The following ZNF569 variants were observed in gnomAD, a reference collection of about 807,000 sequenced individuals.
The protein encoded by ZNF569 is zinc finger protein 569, also known as DNA-binding protein.
In ZNF569, 38 loss-of-function variants were observed where a neutral mutation model predicts 56.3. The ratio of observed to expected loss-of-function variants is 0.68; its 90% CI spans 0.52 to 0.88. The LOEUF (loss-of-function observed/expected upper bound fraction) is 0.88. Among genes scored for constraint, ZNF569 ranks in the 40% least tolerant of loss-of-function variants. The probability of loss-of-function intolerance (pLI) is 0.00; values close to 1 mark genes in which losing one functional copy is unlikely to be tolerated. For missense variants in ZNF569, 666 were observed against 809.2 expected (o/e 0.82, Z 2.15); for synonymous variants, 241 against 262.9 (o/e 0.92, Z 0.81).
In ZNF569 at chr19:37,412,673, T is replaced by G; in HGVS notation, c.1985A>C (p.Tyr662Ser). ...HMRKHTGEKP[Y>S]HCIECGKAFS... is the part of the protein sequence containing the mutation. ...AGCCTTGCCACACTCAATACAGTGA[T>G]AGGGCTTCTCACCTGTATGTTTTCT... The change falls in exon 6 of 6, where the codon TAT becomes TCT. Residue 662 changes from tyrosine to serine, a missense_variant. Tyr to Ser is a moderately radical substitution (Grantham distance 144). Transcript: ENST00000316950. 1 of 1,614,084 alleles carries G rather than the reference T, an allele frequency of 6.2e-7. No homozygotes were observed. The highest frequency in any genetic ancestry group is 1.7e-5 in the Admixed American group (1 of 60,014).
chr19:37,452,565 G>A (rs780668306), intron 2 of ZNF569, among the ~76,000 whole-genome samples: 2 of 151,866 alleles, frequency 1.3e-5, no homozygotes, highest in African/African-American at 2.4e-5. Flanking sequence ...ATAGTATTCC[G>A]GGTTGGCAGA....
chr19:37,464,985 G>C (rs1159862077), intron 2 of ZNF569, among the ~76,000 whole-genome samples: 1 of 152,110 alleles, frequency 6.6e-6, no homozygotes, highest in Non-Finnish European at 1.5e-5. Flanking sequence ...AATTTGATCT[G>C]CCCTCCTCCC....
At chr19:37,455,131 T>C in intron 2 of ZNF569, 2 of 384,784 alleles carry the variant, frequency 5.2e-6, no homozygotes, top group Non-Finnish European at 4.6e-6. Context: ...TCCTTCAGTT[T>C]ATTTTGTCAT....
intron 2 of ZNF569, among the ~76,000 whole-genome samples, chr19:37,457,023 A>T (rs1339406965): frequency 6.6e-6 from 1 of 150,508 alleles, no homozygotes; most frequent in Non-Finnish European, 1.5e-5. Context: ...AAAATGTTGG[A>T]AGATCAGTAC....
intron 5 of ZNF569, among the ~76,000 whole-genome samples, chr19:37,423,225 A>G (rs1600298214): frequency 6.6e-6 from 1 of 152,356 alleles, no homozygotes; most frequent in African/African-American, 2.4e-5. Flanking sequence ...TTACATACAC[A>G]TAGGATAGTT....
chr19:37,464,885 T>C (rs1182835386), intron 2 of ZNF569, among the ~76,000 whole-genome samples: 1 of 152,216 alleles, frequency 6.6e-6, no homozygotes, highest in Non-Finnish European at 1.5e-5. Flanking sequence ...TGTAAGCAGA[T>C]AGTATCACTT....
intron 5 of ZNF569, among the ~76,000 whole-genome samples, chr19:37,416,258 CAAAAAAACAAAAA>C (rs2040929990): frequency 1.6e-5 from 2 of 129,004 alleles, no homozygotes; most frequent in Non-Finnish European, 3.4e-5. Flanking sequence ...AACAAAAAAA[CAAAAAAACAAAAA>C]AAAAAAACAG....
intron 3 of ZNF569, among the ~76,000 whole-genome samples, chr19:37,439,395 C>T (rs2041367089): frequency 6.6e-6 from 1 of 152,148 alleles, no homozygotes; most frequent in African/African-American, 2.4e-5. Context: ...ATCCAAAAGA[C>T]AGGTACTAAC....
chr19:37,447,431 A>G (rs2041516130), intron 2 of ZNF569, among the ~76,000 whole-genome samples: 1 of 152,236 alleles, frequency 6.6e-6, no homozygotes, highest in Admixed American at 6.5e-5. Context: ...GAATTCTGGG[A>G]GGTGGAATCT....
chr19:37,449,633 T>TA (rs1380898321), intron 2 of ZNF569, among the ~76,000 whole-genome samples: 5 of 151,872 alleles, frequency 3.3e-5, no homozygotes, highest in Non-Finnish European at 7.4e-5. Context: ...TGTCTAATAT[T>TA]AAAGTTGCTT....
At chr19:37,469,217 C>G, upstream of ZNF569, 2 of 1,313,468 alleles carry the variant, frequency 1.5e-6, no homozygotes, top group Non-Finnish European at 1.9e-6. Flanking sequence ...TGTTACAAAC[C>G]CTGCGCGGAG....
intron 2 of ZNF569, among the ~76,000 whole-genome samples, chr19:37,446,775 T>G (rs918148227): frequency 1.3e-5 from 2 of 151,966 alleles, no homozygotes; most frequent in African/African-American, 2.4e-5. Context: ...GGGACTTAAT[T>G]GAACTAAAAA....
At chr19:37,463,713 T>C (rs997958235) in intron 2 of ZNF569, among the ~76,000 whole-genome samples, 7 of 124,228 alleles carry the variant, frequency 5.6e-5, no homozygotes. Context: ...TAACCATGCA[T>C]GTTTATTGTT....
At chr19:37,433,515 G>A (rs2041258731) in intron 3 of ZNF569, among the ~76,000 whole-genome samples, 1 of 152,136 alleles carries the variant, frequency 6.6e-6, no homozygotes, top group South Asian at 2.1e-4. Context: ...AGAACACCAA[G>A]TAGATTTAAA....
intron 1 of ZNF569, among the ~76,000 whole-genome samples, chr19:37,465,932 T>C (rs994831127): frequency 6.6e-6 from 1 of 152,228 alleles, no homozygotes; most frequent in African/African-American, 2.4e-5. Flanking sequence ...TACTTTAAAA[T>C]GAATGCATAA....
upstream of ZNF569, chr19:37,467,730 G>A: frequency 1.4e-6 from 1 of 691,916 alleles, no homozygotes; most frequent in Non-Finnish European, 2.5e-6. Flanking sequence ...GACTGTATGT[G>A]TGAAACTTCG....
At chr19:37,434,419 T>A (rs983814966) in intron 3 of ZNF569, among the ~76,000 whole-genome samples, 1 of 152,188 alleles carries the variant, frequency 6.6e-6, no homozygotes, top group Non-Finnish European at 1.5e-5. Flanking sequence ...TTGGGCACAG[T>A]GGCTCACGCC....
At chr19:37,415,201 TA>T (rs778730033) in intron 5 of ZNF569, among the ~76,000 whole-genome samples, 41 of 152,160 alleles carry the variant, frequency 2.7e-4, no homozygotes, top group Admixed American at 1.6e-3. Context: ...AAATATAAAA[TA>T]TATCATATTT....
chr19:37,415,357 C>T (rs2146856334), intron 5 of ZNF569, among the ~76,000 whole-genome samples: 1 of 151,830 alleles, frequency 6.6e-6, no homozygotes, highest in South Asian at 2.1e-4. Context: ...GATAATAAAA[C>T]TCAACATCTA....
Sources: gnomAD v4.1 joint callset for allele counts (sites outside exome capture counted in the v4.1 genomes callset) on GRCh38, gnomAD v4.1.1 for gene constraint, MANE v1.5 for transcripts, NCBI Gene and HGNC (gene_info 2026-07-23, HGNC 2026-07-21) for gene names.